CORO7: variants seen among roughly 807,000 people sequenced by gnomAD.
CORO7 encodes the protein coronin-7.
A neutral mutation model predicts 126.6 loss-of-function variants in CORO7; 107 were observed. That is an observed-to-expected ratio of 0.85 (90% CI 0.72 to 0.99). The LOEUF (loss-of-function observed/expected upper bound fraction) is 0.99, where lower values mean the gene tolerates loss of function less well. CORO7 is among the 50% of genes least tolerant of loss of function. CORO7 has a pLI of 0.00. For synonymous variants in CORO7, 603 were observed against 536.8 expected, an observed-to-expected ratio of 1.12 and a Z score of -1.70; for missense variants, 1,314 against 1,255.8, an observed-to-expected ratio of 1.05 and a Z score of -0.70.
At chr16:4,395,756 T>G (rs1194531273) in intron 6 of CORO7, among the ~76,000 whole-genome samples, 2 of 152,204 alleles carry the variant, frequency 1.3e-5, no homozygotes. Flanking sequence ...TGCTCAGCCC[T>G]GTACTAGGCC....
intron 3 of CORO7, among the ~76,000 whole-genome samples, chr16:4,410,711 C>T (rs1408154900): frequency 6.6e-6 from 1 of 152,176 alleles, no homozygotes; most frequent in Non-Finnish European, 1.5e-5. Flanking sequence ...GCAAAAGAGG[C>T]CCCTCTATAG....
At chr16:4,373,750 G>A (rs1345859107) in intron 9 of CORO7, among the ~76,000 whole-genome samples, 1 of 152,124 alleles carries the variant, frequency 6.6e-6, no homozygotes, top group African/African-American at 2.4e-5. Flanking sequence ...ACACAACACT[G>A]GGCAGCCTCT....
At chr16:4,381,033 C>G (rs779557272) in intron 9 of CORO7, 1 of 1,610,322 alleles carries the variant, frequency 6.2e-7, no homozygotes, top group East Asian at 2.2e-5. Context: ...ACGTGCCACC[C>G]GACACGGTGG....
chr16:4,389,183 G>T (rs892816722), intron 7 of CORO7, among the ~76,000 whole-genome samples: 3 of 152,158 alleles, frequency 2.0e-5, no homozygotes, highest in Non-Finnish European at 4.4e-5. Flanking sequence ...CAGGGCCTGG[G>T]ACCCACCTCT....
At chr16:4,371,159 G>C (rs2054508120) in intron 9 of CORO7, among the ~76,000 whole-genome samples, 1 of 152,202 alleles carries the variant, frequency 6.6e-6, no homozygotes, top group African/African-American at 2.4e-5. Context: ...TGGGGCCGTG[G>C]GCAGACCACC....
intron 9 of CORO7, chr16:4,381,785 T>C (rs974669533): frequency 1.2e-6 from 2 of 1,600,556 alleles, no homozygotes; most frequent in African/African-American, 2.7e-5. Context: ...TTCAACTGCG[T>C]GTGCCCCCTG....
chr16:4,379,284 C>T (rs1181015308), intron 9 of CORO7, among the ~76,000 whole-genome samples: 1 of 152,062 alleles, frequency 6.6e-6, no homozygotes, highest in African/African-American at 2.4e-5. Flanking sequence ...GGCTGGCACC[C>T]CGTATGAGGC....
At chr16:4,381,918 T>G (rs1351301021) in intron 9 of CORO7, 1 of 1,606,724 alleles carries the variant, frequency 6.2e-7, no homozygotes, top group East Asian at 2.2e-5. Context: ...ACGCCGACTT[T>G]GGCTGCCCAG....
At chr16:4,410,331 T>C (rs763601719) in intron 3 of CORO7, among the ~76,000 whole-genome samples, 4 of 151,986 alleles carry the variant, frequency 2.6e-5, no homozygotes, top group Non-Finnish European at 5.9e-5. Flanking sequence ...AGGCTGAGGA[T>C]AGACGATCCC....
intron 9 of CORO7, 36 bp downstream of exon 9, chr16:4,387,949 TC>T: frequency 6.2e-7 from 1 of 1,609,856 alleles, no homozygotes. Flanking sequence ...CCTTGGGTCA[TC>T]AGCCCCCCAG....
chr16:4,412,256 G>T lies in CORO7; in HGVS notation c.232+100C>A, dbSNP rs2056239358. On this transcript the variant is annotated intron_variant, in intron 3 of 27. Transcript: ENST00000251166. ...CAGACAGGGCGACAGGAGGGACCTG[G>T]CAAGCCATGCGGCAGTGGGACCAGG... is the stretch of plus-strand genomic sequence containing the variant. 9.8e-6 allele frequency: 13 copies of T among 1,329,906 alleles called. No individual in the cohort carries two copies. The South Asian group carries it at 1.3e-4, about 13-fold the overall frequency. 82.4% of individuals were successfully genotyped at this position (1,329,906 alleles called of 1,614,324 possible). A position where few individuals can be genotyped will look rare whatever the true frequency, so the allele number is the denominator to read the frequency against.
At position 4,354,977 on chromosome 16, in the gene CORO7, G is replaced by A. The variant is rs2053926434; in HGVS notation, c.*181C>T. 2 of 592,530 alleles carry A rather than the reference G, an allele frequency of 3.4e-6. No individual in the cohort carries two copies. The highest frequency in any genetic ancestry group is 6.0e-5 in the East Asian group (2 of 33,566). 36.7% of individuals were successfully genotyped at this position (592,530 alleles called of 1,614,324 possible). A position where few individuals can be genotyped will look rare whatever the true frequency, so the allele number is the denominator to read the frequency against. On this transcript the variant is annotated 3_prime_UTR_variant, in exon 28 of 28. Coordinates refer to ENST00000251166, the MANE Select transcript of CORO7 (RefSeq NM_024535.5). ...GCAGCTGACCCCAGAGACAGCAGAG[G>A]TGAAAACAGTCCCTGGGAACTGCCA... is the stretch of plus-strand genomic sequence containing the variant.
chr16:4,400,531 G>A (rs1197476208), intron 6 of CORO7, among the ~76,000 whole-genome samples: 8 of 152,184 alleles, frequency 5.3e-5, no homozygotes, highest in South Asian at 2.1e-4. Context: ...TACTCGGGAC[G>A]GGGAGGCAGG....
In CORO7 at chr16:4,358,487, G is replaced by T. The variant is rs374660094; in HGVS notation, c.2341-4C>A. 57 of 1,583,622 alleles carry T rather than the reference G, an allele frequency of 3.6e-5. No individual in the cohort carries two copies. The African/African-American group carries it at 7.4e-4, about 21-fold the overall frequency. On this transcript the variant is annotated splice_polypyrimidine_tract_variant and splice_region_variant and intron_variant, in intron 23 of 27. Transcript: ENST00000251166. Reference sequence around the variant, plus strand: ...TCTTAGGCAGGAGGACGAGGCCCTGGGGGAGCAAGGGAGTCGGAGCTGCCG... The same window carrying T: ...TCTTAGGCAGGAGGACGAGGCCCTGTGGGAGCAAGGGAGTCGGAGCTGCCG...
chr16:4,358,278 A>G (rs562634529), intron 24 of CORO7, 89 bp downstream of exon 24: 1 of 1,547,068 alleles, frequency 6.5e-7, no homozygotes, highest in Non-Finnish European at 8.8e-7. Context: ...TGGGTAGGGA[A>G]GTTTGGAAGC....
chr16:4,411,616 T>C (rs993841562), intron 3 of CORO7, among the ~76,000 whole-genome samples: 1 of 152,138 alleles, frequency 6.6e-6, no homozygotes, highest in African/African-American at 2.4e-5. Context: ...GCAATCTCCA[T>C]AAATCTTTAC....
In CORO7 at chr16:4,355,183, G is replaced by A; in HGVS notation, c.2773-20C>T. On this transcript the variant is annotated intron_variant, in intron 27 of 27. Transcript: ENST00000251166. ...CTAGTCCTGGGGCGAAACACCAAGA[G>A]GTGGGAGGGAGTCAGGAGGGCCTGG... 6.4e-7 allele frequency: 1 copy of A among 1,557,750 alleles called. No individual in the cohort carries two copies. The highest frequency in any genetic ancestry group is 8.7e-7 in the Non-Finnish European group (1 of 1,148,378).
At chr16:4,382,380 A>G (rs774853515) in intron 9 of CORO7, 24 of 1,612,070 alleles carry the variant, frequency 1.5e-5, no homozygotes, top group South Asian at 9.9e-5. Flanking sequence ...ATCGCAACCT[A>G]TCGGGCCCTG....
intron 9 of CORO7, among the ~76,000 whole-genome samples, chr16:4,367,803 G>A (rs1332846146): frequency 6.6e-6 from 1 of 152,068 alleles, no homozygotes; most frequent in Non-Finnish European, 1.5e-5. Flanking sequence ...CTCAGGATGG[G>A]CAGGTGGAGG....
Sources: gnomAD v4.1 joint callset for allele counts (sites outside exome capture counted in the v4.1 genomes callset) on GRCh38, gnomAD v4.1.1 for gene constraint, MANE v1.5 for transcripts, NCBI Gene and HGNC (gene_info 2026-07-23, HGNC 2026-07-21) for gene names.